The following GALNT9 variants were observed in gnomAD, a reference collection of about 807,000 sequenced individuals.
GALNT9 encodes polypeptide N-acetylgalactosaminyltransferase 9, also known as GalNAc transferase 9.
Under a neutral mutation model 63.1 loss-of-function variants are expected in GALNT9, and 47 were observed. That is an observed-to-expected ratio of 0.75 (90% CI 0.59 to 0.95). The LOEUF is 0.95. GALNT9 is among the 40% of genes least tolerant of loss of function. The probability of loss-of-function intolerance (pLI) is 0.00; values close to 1 mark genes in which losing one functional copy is unlikely to be tolerated. For synonymous variants in GALNT9, 396 were observed against 365.7 expected, an observed-to-expected ratio of 1.08 and a Z score of -0.94; for missense variants, 829 against 874.8, an observed-to-expected ratio of 0.95 and a Z score of 0.66.
chr12:132,199,495 C>T (rs529434073), intron 8 of GALNT9, among the ~76,000 whole-genome samples: 2 of 152,134 alleles, frequency 1.3e-5, no homozygotes, highest in Non-Finnish European at 2.9e-5. Flanking sequence ...GGAGACTTGG[C>T]CATCACTCCA....
At position 132,257,928 on chromosome 12, in the gene GALNT9, C is replaced by T. The variant is rs543594020; in HGVS notation, c.762-42G>A. ...GTGAGGAGGGGCGGCCCCAGCCCACCGCATTCCCTGAGGAGGGTCCACTCG... is the reference window on the plus strand; with the variant it reads ...GTGAGGAGGGGCGGCCCCAGCCCACTGCATTCCCTGAGGAGGGTCCACTCG... On this transcript the variant is annotated intron_variant, in intron 4 of 10. Coordinates refer to ENST00000328957, the MANE Select transcript of GALNT9 (RefSeq NM_001122636.2). 2.9e-4 allele frequency: 404 copies of T among 1,372,132 alleles called. 7 individuals carry two copies. In the South Asian group the frequency reaches 4.4e-3, roughly 15 times the overall value. 85.0% of individuals were successfully genotyped at this position (1,372,132 alleles called of 1,614,324 possible).
chr12:132,222,955 A>ACACCCCACACAACCCG (rs1877520456), intron 6 of GALNT9, among the ~76,000 whole-genome samples: 1 of 77,004 alleles, frequency 1.3e-5, no homozygotes, highest in East Asian at 3.9e-4. Flanking sequence ...CACACAACTC[A>ACACCCCACACAACCCG]CACCCCACAC....
At chr12:132,304,324 C>T (rs1593116446) in intron 1 of GALNT9, among the ~76,000 whole-genome samples, 1 of 114,228 alleles carries the variant, frequency 8.8e-6, no homozygotes, top group Middle Eastern at 5.4e-3. Context: ...CACAGAATCG[C>T]CCAGACACAC....
intron 2 of GALNT9, chr12:132,272,658 A>G (rs1555240858): frequency 6.6e-6 from 1 of 152,274 alleles, no homozygotes; most frequent in African/African-American, 2.4e-5. Flanking sequence ...TTAGCATAAA[A>G]TAATTTCTTT....
chr12:132,306,407 G>A (rs76557785), intron 1 of GALNT9, among the ~76,000 whole-genome samples: 19,194 of 152,234 alleles, frequency 0.13, 1,710 homozygotes, highest in East Asian at 0.3. Flanking sequence ...ACTCAGGGGC[G>A]CCCCGGAGCC....
At chr12:132,249,625 C>T (rs1002821468) in intron 5 of GALNT9, among the ~76,000 whole-genome samples, 1 of 152,214 alleles carries the variant, frequency 6.6e-6, no homozygotes, top group Non-Finnish European at 1.5e-5. Flanking sequence ...TTCTTAACAA[C>T]AACCATCATT....
Position 132,296,105 on chromosome 12 carries a change from C to CG in GALNT9, c.239-9676dup, listed in dbSNP as rs1368841094. Among the ~76,000 whole-genome samples, 1 of 147,344 alleles carries CG rather than the reference C, an allele frequency of 6.8e-6. No homozygotes were observed. Reference sequence around the variant, plus strand: ...AGAGCCTCCGAACAGGGAGAGCCTCCGAACAGGGAGAGCCTCTGAACAGGG... The same window carrying CG: ...AGAGCCTCCGAACAGGGAGAGCCTCCGGAACAGGGAGAGCCTCTGAACAGGG... On this transcript the variant is annotated intron_variant, in intron 1 of 10. Transcript: ENST00000328957. The surrounding 1 kb of genome is among the most constrained non-coding windows in gnomAD (Gnocchi z 4.2).
At chr12:132,197,408 G>A (rs1475717163) in intron 10 of GALNT9, among the ~76,000 whole-genome samples, 155 bp from the exon 11 acceptor site, 1 of 149,758 alleles carries the variant, frequency 6.7e-6, no homozygotes, top group Non-Finnish European at 1.5e-5. Context: ...CAGGGGGGCC[G>A]GGAAGGGGCT....
In GALNT9 at chr12:132,304,937, A is replaced by T. The variant is rs1399683249; in HGVS notation, c.239-18507T>A. On this transcript the variant is annotated intron_variant, in intron 1 of 10. Transcript: ENST00000328957. The stretch of plus-strand genomic sequence containing the variant: ...CTCACCGGGGCACACCCTCACCCAG[A>T]CACGCCCTCACCCAGACACGCCCTC... Among the ~76,000 whole-genome samples the T allele has an allele frequency of 3.7e-4, 4 of 10,936 alleles. 1 individual carries two copies. Among genetic ancestry groups the T allele is most frequent in the Non-Finnish European group, 6.6e-4 (4 of 6,030 alleles). The allele number at this position is 10,936 out of a possible 152,430, so 7.2% of individuals were successfully genotyped here.
chr12:132,222,750 A>G (rs2135521034), intron 6 of GALNT9, among the ~76,000 whole-genome samples: 1 of 151,944 alleles, frequency 6.6e-6, no homozygotes, highest in Admixed American at 6.6e-5. Flanking sequence ...AAGACCTGGG[A>G]GGCCGCTTTC....
chr12:132,268,290 AAC>A (rs1222200075), intron 2 of GALNT9, among the ~76,000 whole-genome samples: 18 of 151,934 alleles, frequency 1.2e-4, no homozygotes, highest in Non-Finnish European at 1.5e-5. Flanking sequence ...CACACACTGA[AAC>A]ACACACGTAT....
intron 1 of GALNT9, among the ~76,000 whole-genome samples, chr12:132,302,877 G>A (rs943576406): frequency 6.6e-6 from 1 of 152,172 alleles, no homozygotes; most frequent in African/African-American, 2.4e-5. Flanking sequence ...GGAAGTGGGA[G>A]CGCAGAGGAG....
chr12:132,229,833 C>T (rs973265262), intron 6 of GALNT9, among the ~76,000 whole-genome samples: 24 of 152,324 alleles, frequency 1.6e-4, no homozygotes, highest in Admixed American at 1.1e-3. Context: ...ATCCTTTCTC[C>T]GATGAGGAAG....
intron 1 of GALNT9, among the ~76,000 whole-genome samples, chr12:132,290,687 C>T (rs372563646): frequency 2.8e-5 from 3 of 108,886 alleles, no homozygotes; most frequent in Admixed American, 8.2e-5. Context: ...ACGTCCTCAG[C>T]GCCCACAACC....
At chr12:132,206,452 G>A (rs757644575) in intron 6 of GALNT9, among the ~76,000 whole-genome samples, 8 of 6,716 alleles carry the variant, frequency 1.2e-3, no homozygotes, top group Non-Finnish European at 3.1e-3. Context: ...GTTCGAGACC[G>A]CCTGGCCAAC....
At chr12:132,215,652 A>G (rs1877152144) in intron 6 of GALNT9, among the ~76,000 whole-genome samples, 1 of 152,230 alleles carries the variant, frequency 6.6e-6, no homozygotes, top group Non-Finnish European at 1.5e-5. Flanking sequence ...TCTTTGTATC[A>G]TCAGGACACA....
intron 1 of GALNT9, among the ~76,000 whole-genome samples, chr12:132,304,822 C>T (rs868960537): frequency 7.3e-5 from 4 of 54,948 alleles, no homozygotes; most frequent in Non-Finnish European, 1.0e-4. Flanking sequence ...CACCCTCGCC[C>T]GGGCACACCC....
At position 132,329,512 on chromosome 12, in the gene GALNT9, C is replaced by A. The variant is rs1869206728; in HGVS notation, c.-309G>T. Reference sequence around the variant, plus strand: ...GGGCGCCGGGGGGCGGCGGGGAAGGCGCGGGCGGGCGGCGCTCGGTGTCTG... The same window carrying A: ...GGGCGCCGGGGGGCGGCGGGGAAGGAGCGGGCGGGCGGCGCTCGGTGTCTG... On this transcript the variant is annotated 5_prime_UTR_variant, in exon 1 of 11. Transcript: ENST00000328957. Among the ~76,000 whole-genome samples the A allele has an allele frequency of 6.8e-6, 1 of 146,932 alleles. No individual in the cohort carries two copies. The highest frequency in any genetic ancestry group is 1.5e-5 in the Non-Finnish European group (1 of 65,914).
At chr12:132,297,070 G>A (rs2135571378) in intron 1 of GALNT9, among the ~76,000 whole-genome samples, 1 of 145,002 alleles carries the variant, frequency 6.9e-6, no homozygotes, top group Admixed American at 6.8e-5. Context: ...TCACTCCGAA[G>A]ATGACCAACT....
Sources: allele counts gnomAD v4.1 joint callset (sites outside exome capture counted in the v4.1 genomes callset), GRCh38; gene constraint gnomAD v4.1.1; non-coding constraint Gnocchi (gnomAD v3.1); transcripts MANE v1.5; gene names NCBI Gene and HGNC (gene_info 2026-07-23, HGNC 2026-07-21).